The following NEXMIF variants were observed in gnomAD, a reference collection of about 807,000 sequenced individuals.
NEXMIF encodes the protein neurite extension and migration factor, also known as XLMR protein related to neurite extension.
NEXMIF carries 8 observed loss-of-function variants against 62.1 expected under a neutral mutation model. The ratio of observed to expected loss-of-function variants is 0.13; its 90% confidence interval spans 0.08 to 0.23. The LOEUF (loss-of-function observed/expected upper bound fraction) is 0.23, where lower values mean the gene tolerates loss of function less well. NEXMIF is among the 10% of genes least tolerant of loss of function. NEXMIF has a pLI of 1.00. For synonymous variants in NEXMIF, 404 were observed against 416.6 expected, an observed-to-expected ratio of 0.97 and a Z score of 0.37; for missense variants, 976 against 1,113.3, an observed-to-expected ratio of 0.88 and a Z score of 1.75.
intron 1 of NEXMIF, among the ~76,000 whole-genome samples, chrX:74,914,468 T>C (rs1018067153): frequency 1.8e-5 from 2 of 110,932 alleles, no homozygotes; most frequent in African/African-American, 3.3e-5. Flanking sequence ...AGGTCAGGAG[T>C]TTAAGACCAG....
chrX:74,886,670 A>C (rs1311541605), intron 1 of NEXMIF, among the ~76,000 whole-genome samples: 4 of 110,961 alleles, frequency 3.6e-5, no homozygotes, highest in Non-Finnish European at 7.5e-5. Context: ...AAATGGAAGA[A>C]CATTCCATGC....
chrX:74,766,756 C>G (rs914090884), intron 1 of NEXMIF, among the ~76,000 whole-genome samples: 5 of 112,195 alleles, frequency 4.5e-5, no homozygotes, highest in Non-Finnish European at 9.4e-5. Context: ...GTTAAGAACC[C>G]TTGTTGGAGA....
At chrX:74,853,638 G>A (rs1250911323) in intron 1 of NEXMIF, among the ~76,000 whole-genome samples, 1 of 110,604 alleles carries the variant, frequency 9.0e-6, no homozygotes, top group African/African-American at 3.3e-5. Context: ...TACACTGGGA[G>A]TTTTCACCCT....
At chrX:74,911,795 C>T (rs971286508) in intron 1 of NEXMIF, among the ~76,000 whole-genome samples, 1 of 112,349 alleles carries the variant, frequency 8.9e-6, no homozygotes, top group African/African-American at 3.2e-5. Flanking sequence ...AATATCTTAA[C>T]ATGTCAAAGC....
chrX:74,878,874 C>G (rs1287332003), intron 1 of NEXMIF, among the ~76,000 whole-genome samples: 1 of 112,397 alleles, frequency 8.9e-6, no homozygotes, highest in African/African-American at 3.2e-5. Flanking sequence ...CACCCACTGA[C>G]CTGCGCCCAC....
chrX:74,761,991 G>A (rs1278467136), intron 1 of NEXMIF, among the ~76,000 whole-genome samples: 1 of 110,186 alleles, frequency 9.1e-6, no homozygotes, highest in African/African-American at 3.3e-5. Flanking sequence ...TATACTTTAA[G>A]TTCTAGGGTA....
At chrX:74,867,639 T>C (rs1411784949) in intron 1 of NEXMIF, among the ~76,000 whole-genome samples, 2 of 112,197 alleles carry the variant, frequency 1.8e-5, no homozygotes, top group African/African-American at 6.5e-5. Flanking sequence ...ATGCTGAAGA[T>C]GGACTAAAGA....
At chrX:74,781,865 T>C (rs1223472055) in intron 1 of NEXMIF, among the ~76,000 whole-genome samples, 1 of 112,301 alleles carries the variant, frequency 8.9e-6, no homozygotes, top group East Asian at 2.8e-4. Context: ...ACTAAGATTT[T>C]CCCTTTTACC....
intron 1 of NEXMIF, among the ~76,000 whole-genome samples, chrX:74,793,419 C>A (rs1351422568): frequency 7.4e-5 from 8 of 108,835 alleles, no homozygotes; most frequent in African/African-American, 1.0e-4. Flanking sequence ...TTTTTTCCTT[C>A]ATTTCAACTT....
chrX:74,769,508 T>C (rs1364395773), intron 1 of NEXMIF: 5 of 339,660 alleles, frequency 1.5e-5, no homozygotes, highest in Non-Finnish European at 2.0e-5. Flanking sequence ...TACAGAGAAA[T>C]AAAGGCAAAG....
chrX:74,793,796 G>A (rs1322058013), intron 1 of NEXMIF, among the ~76,000 whole-genome samples: 3 of 81,728 alleles, frequency 3.7e-5, no homozygotes, highest in Non-Finnish European at 7.3e-5. Flanking sequence ...CATTCTTCAC[G>A]TAGTTCTCGA....
Position 74,742,471 on chromosome X carries a change from C to T in NEXMIF, c.2086G>A (p.Gly696Ser), listed in dbSNP as rs147105784. Residue 696 changes from glycine (G) to serine (S), a missense_variant, in exon 3 of 4, where the codon GGC becomes AGC. Transcript: ENST00000055682. ...GCTTTGACTTTCACTGAGTCAGGGC[C>T]TGTGATGTCATTTAAATGTGATCCA... is the stretch of plus-strand genomic sequence containing the variant. ...ANGSHLNDIT[G>S]PDSVKVKAQD... 9 of 1,208,416 alleles carry T rather than the reference C, an allele frequency of 7.4e-6. 1 individual carries two copies. In the African/African-American group the frequency reaches 1.6e-4, roughly 21 times the overall value.
chrX:74,788,980 T>A (rs902592673), intron 1 of NEXMIF, among the ~76,000 whole-genome samples: 2 of 110,415 alleles, frequency 1.8e-5, no homozygotes, highest in South Asian at 3.9e-4. Flanking sequence ...TTATTTATTT[T>A]TATTTTTTAT....
rs769994558 is a variant in NEXMIF at position 74,744,337 on chromosome X, T to C, written c.220A>G (p.Met74Val). 1 of 1,211,681 alleles carries C rather than the reference T, an allele frequency of 8.3e-7. No homozygotes were observed. Among genetic ancestry groups the C allele is most frequent in the Non-Finnish European group, 1.1e-6 (1 of 895,469 alleles). The part of the protein sequence containing the change: ...LLPLPSKKPC[M>V]QSPPSPLGLI... ...CCCAAAGGAGAGGGCGGGCTCTGCA[T>C]ACAGGGCTTCTTAGAGGGTAGAGGC... Residue 74 changes from methionine (M) to valine (V), a missense_variant, in exon 3 of 4, where the codon ATG becomes GTG. Met to Val is a conservative substitution (Grantham distance 21, BLOSUM62 1). Around this residue, in one of 5 missense-constraint regions of NEXMIF, gnomAD observed 126 missense variants for 146.5 expected, o/e 0.86. Transcript: ENST00000055682.
At chrX:74,842,768 T>A (rs1251047057) in intron 1 of NEXMIF, among the ~76,000 whole-genome samples, 1 of 112,422 alleles carries the variant, frequency 8.9e-6, no homozygotes, top group Non-Finnish European at 1.9e-5. Context: ...AATTTCCATG[T>A]AATTGTATGG....
At chrX:74,852,583 TA>T (rs1380345775) in intron 1 of NEXMIF, among the ~76,000 whole-genome samples, 2 of 111,868 alleles carry the variant, frequency 1.8e-5, no homozygotes, top group African/African-American at 3.2e-5. Flanking sequence ...CAACAGTTTT[TA>T]AAAAATCAAA....
At chrX:74,881,090 C>A (rs1448116456) in intron 1 of NEXMIF, among the ~76,000 whole-genome samples, 1 of 111,380 alleles carries the variant, frequency 9.0e-6, no homozygotes, top group African/African-American at 3.3e-5. Flanking sequence ...TGACAGTAAC[C>A]CCTGCTGCTC....
At chrX:74,897,364 T>C (rs146117005) in intron 1 of NEXMIF, among the ~76,000 whole-genome samples, 332 of 112,045 alleles carry the variant, frequency 3.0e-3, no homozygotes, top group Non-Finnish European at 5.1e-3. Context: ...TGAAAAATAG[T>C]AAGCTCTGCA....
At chrX:74,884,791 C>T (rs968773513) in intron 1 of NEXMIF, among the ~76,000 whole-genome samples, 1 of 111,422 alleles carries the variant, frequency 9.0e-6, no homozygotes, top group Non-Finnish European at 1.9e-5. Context: ...CTGCACCAAG[C>T]GGGCCTAATA....
Sources: gnomAD v4.1 joint callset for allele counts (sites outside exome capture counted in the v4.1 genomes callset) on GRCh38, gnomAD v4.1.1 for gene constraint, gnomAD v4.1.1 regional missense constraint, MANE v1.5 for transcripts, NCBI Gene and HGNC (gene_info 2026-07-23, HGNC 2026-07-21) for gene names.